Variants in CFTR observed in about 807,000 individuals in gnomAD.
CFTR encodes the protein cystic fibrosis transmembrane conductance regulator.
In CFTR, 181 loss-of-function variants were observed where a neutral mutation model predicts 171.6. That is an observed-to-expected ratio of 1.05 (90% confidence interval 0.93 to 1.19). The LOEUF is 1.19. CFTR is among the 50% of genes most tolerant of loss of function. CFTR has a pLI of 0.00. For synonymous variants in CFTR, 583 were observed against 608.0 expected (o/e 0.96, Z 0.60); for missense variants, 1,968 against 1,734.7 (o/e 1.13, Z -2.39).
At chr7:117,519,287 C>G (rs184802828) in intron 3 of CFTR, among the ~76,000 whole-genome samples, 76 of 152,002 alleles carry the variant, frequency 5.0e-4, no homozygotes, top group African/African-American at 1.8e-3. Flanking sequence ...TTTTTATTTT[C>G]TATGATGAAT....
chr7:117,532,038 A>C (rs1345447543), intron 4 of CFTR, among the ~76,000 whole-genome samples: 4 of 152,040 alleles, frequency 2.6e-5, no homozygotes, highest in African/African-American at 9.7e-5. Context: ...TGATAACCAT[A>C]CTTTATTGTT....
rs146272809 is a variant in CFTR at position 117,522,410 on chromosome 7, G to A, written c.274-8489G>A. Among the ~76,000 whole-genome samples the A allele has an allele frequency of 2.6e-5, 4 of 152,250 alleles. No homozygotes were observed. In the East Asian group the frequency reaches 7.7e-4, roughly 29 times the overall value. On this transcript the variant is annotated intron_variant, in intron 3 of 26. Transcript: ENST00000003084. ...GCGCGGAAGAGACTAAAATAACACAGCCAATGTAGGTAATGTGCTGGATAA... is the reference window on the plus strand; with the variant it reads ...GCGCGGAAGAGACTAAAATAACACAACCAATGTAGGTAATGTGCTGGATAA...
At chr7:117,496,155 C>T (rs1019025654) in intron 1 of CFTR, among the ~76,000 whole-genome samples, 1 of 148,032 alleles carries the variant, frequency 6.8e-6, no homozygotes, top group Non-Finnish European at 1.5e-5. Flanking sequence ...TTTCACTTAG[C>T]ATTTTTTTTC....
intron 1 of CFTR, among the ~76,000 whole-genome samples, chr7:117,504,025 C>G (rs1798373524): frequency 6.6e-6 from 1 of 152,110 alleles, no homozygotes; most frequent in Non-Finnish European, 1.5e-5. Flanking sequence ...TATTCCCTCC[C>G]AATCCCTTTG....
intron 14 of CFTR, among the ~76,000 whole-genome samples, chr7:117,594,053 C>T (rs1395571819): frequency 6.6e-6 from 1 of 152,112 alleles, no homozygotes; most frequent in Non-Finnish European, 1.5e-5. Context: ...TATTTAGTCC[C>T]CACAACTACC....
chr7:117,491,638 A>G (rs185890110), intron 1 of CFTR, among the ~76,000 whole-genome samples: 5 of 152,032 alleles, frequency 3.3e-5, no homozygotes, highest in Non-Finnish European at 7.4e-5. Context: ...TCATCTTCAC[A>G]TGGCATTCTC....
In CFTR at chr7:117,542,010, A is replaced by G. The variant is rs1799060536; in HGVS notation, c.1117-6A>G. 7.1e-7 allele frequency: 1 copy of G among 1,400,146 alleles called. No homozygotes were observed. The highest frequency in any genetic ancestry group is 1.8e-4 in the Middle Eastern group (1 of 5,570). The allele number at this position is 1,400,146 out of a possible 1,614,324, so 86.7% of individuals were successfully genotyped here. A position where few individuals can be genotyped will look rare whatever the true frequency, so the allele number is the denominator to read the frequency against. On this transcript the variant is annotated splice_region_variant and splice_polypyrimidine_tract_variant and intron_variant, in intron 8 of 26. Transcript: ENST00000003084. ...ATAATATGTTTTTGCTCTCTTTTAT[A>G]AATAGGATTTCTTACAAAAGCAAGA...
At chr7:117,490,312 T>TACACACACACACACACAC (rs3034759) in intron 1 of CFTR, among the ~76,000 whole-genome samples, 6 of 136,882 alleles carry the variant, frequency 4.4e-5, no homozygotes, top group African/African-American at 1.6e-4. Flanking sequence ...GAACCAATGA[T>TACACACACACACACACAC]ACACACACAC....
chr7:117,499,073 T>C (rs970159438), intron 1 of CFTR, among the ~76,000 whole-genome samples: 4 of 152,168 alleles, frequency 2.6e-5, no homozygotes, highest in Admixed American at 6.6e-5. Flanking sequence ...TTTTATTTTA[T>C]TGCATTTTAT....
chr7:117,492,426 A>G (rs1357850515), intron 1 of CFTR, among the ~76,000 whole-genome samples: 2 of 151,940 alleles, frequency 1.3e-5, no homozygotes, highest in Admixed American at 1.3e-4. Context: ...CAGTGTCATC[A>G]TGTGGGCTCC....
At chr7:117,568,228 A>T (rs533847308) in intron 11 of CFTR, among the ~76,000 whole-genome samples, 1 of 152,316 alleles carries the variant, frequency 6.6e-6, no homozygotes, top group African/African-American at 2.4e-5. Flanking sequence ...GGACAGTTAT[A>T]TCCAGACCTT....
rs1267646551 is a variant in CFTR, at chr7:117,603,626, A to G, written c.2752A>G (p.Ile918Val). Residue 918 changes from isoleucine (I) to valine (V), a missense_variant, in exon 17 of 27, where the codon ATT (isoleucine) becomes GTT (valine). By Grantham distance (29) the Ile-to-Val change is conservative (BLOSUM62 3). Transcript: ENST00000003084. Reference protein sequence around the residue: ...TSTSSYYVFYIYVGVADTLLA... With the variant: ...TSTSSYYVFYVYVGVADTLLA... ...CACCAGTTCGTATTATGTGTTTTAC[A>G]TTTACGTGGGAGTAGCCGACACTTT... The G allele has an allele frequency of 1.9e-6, 3 of 1,614,090 alleles. No individual in the cohort carries two copies. Among genetic ancestry groups the G allele is most frequent in the Non-Finnish European group, 2.5e-6 (3 of 1,179,958 alleles).
chr7:117,610,564 C>A lies in CFTR; in HGVS notation c.3034C>A (p.Gln1012Lys). The change falls in exon 19 of 27, where the codon CAA (glutamine) becomes AAA (lysine). Residue 1012 changes from glutamine to lysine, a missense_variant. Gln to Lys is a moderately conservative substitution (Grantham distance 53). Coordinates refer to ENST00000003084, the MANE Select transcript of CFTR (RefSeq NM_000492.4). The stretch of plus-strand genomic sequence containing the variant: ...AGCTATAGCAGTTGTCGCAGTTTTA[C>A]AACCCTACATCTTTGTTGCAACAGT... ...IGAIAVVAVLQPYIFVATVPV... is the reference protein window; with the variant it reads ...IGAIAVVAVLKPYIFVATVPV... The A allele has an allele frequency of 6.2e-7, 1 of 1,613,460 alleles. No individual in the cohort carries two copies. The highest frequency in any genetic ancestry group is 8.5e-7 in the Non-Finnish European group (1 of 1,179,600).
At chr7:117,495,096 A>G (rs1306772853) in intron 1 of CFTR, among the ~76,000 whole-genome samples, 2 of 152,122 alleles carry the variant, frequency 1.3e-5, no homozygotes, top group East Asian at 1.9e-4. Context: ...TTTATTGCCA[A>G]TGGAAATAAA....
In CFTR at chr7:117,592,515, T is replaced by G. The variant is rs760654830; in HGVS notation, c.2348T>G (p.Ile783Ser). ...CACTCAGTTAACCAAGGTCAGAACA[T>G]TCACCGAAAGACAACAGCATCCACA... ...MTHSVNQGQN[I>S]HRKTTASTRK... Residue 783 changes from isoleucine (I) to serine (S), a missense_variant, in exon 14 of 27, where the codon ATT (isoleucine) becomes AGT (serine). Coordinates refer to ENST00000003084, the MANE Select transcript of CFTR (RefSeq NM_000492.4). 1.3e-6 allele frequency: 2 copies of G among 1,530,380 alleles called. No homozygotes were observed. Among genetic ancestry groups the G allele is most frequent in the South Asian group, 2.7e-5 (2 of 75,294 alleles). 94.8% of individuals were successfully genotyped at this position (1,530,380 alleles called of 1,614,324 possible).
Position 117,535,337 on chromosome 7 carries a change from CT to C in CFTR, c.671del (p.Phe224SerfsTer7), listed in dbSNP as rs769693190. On this transcript the variant is annotated frameshift_variant, in exon 6 of 27. Transcript: ENST00000003084. LOFTEE classifies it high-confidence loss of function. ...TCTGGGAGTTGTTACAGGCGTCTGC[CT>C]TCTGTGGACTTGGTTTCCTGATAGT... ...LIWELLQASAFCGLGFLIVLA... is the reference protein window; with the variant it reads ...LIWELLQASAXCGLGFLIVLA... The C allele has an allele frequency of 6.2e-7, 1 of 1,614,102 alleles. No homozygotes were observed. The highest frequency in any genetic ancestry group is 1.1e-5 in the South Asian group (1 of 91,074).
chr7:117,607,707 ATAAG>A (rs1203151930), intron 18 of CFTR, among the ~76,000 whole-genome samples: 1 of 152,196 alleles, frequency 6.6e-6, no homozygotes, highest in Non-Finnish European at 1.5e-5. Flanking sequence ...GGATTATCAC[ATAAG>A]TATGTATATA....
At chr7:117,578,158 G>C (rs957954703) in intron 11 of CFTR, among the ~76,000 whole-genome samples, 1 of 151,646 alleles carries the variant, frequency 6.6e-6, no homozygotes, top group Non-Finnish European at 1.5e-5. Context: ...GAACAACACG[G>C]GTTTGAACTA....
intron 18 of CFTR, among the ~76,000 whole-genome samples, chr7:117,610,092 T>C (rs1792358648): frequency 6.6e-6 from 1 of 151,432 alleles, no homozygotes; most frequent in South Asian, 2.1e-4. Flanking sequence ...TGTAGGGACA[T>C]GGATGAAATT....
Sources: gnomAD v4.1 joint callset for allele counts (sites outside exome capture counted in the v4.1 genomes callset) on GRCh38, gnomAD v4.1.1 for gene constraint, MANE v1.5 for transcripts, NCBI Gene and HGNC (gene_info 2026-07-23, HGNC 2026-07-21) for gene names.